Variants in CCT3 observed in about 807,000 individuals in gnomAD.
CCT3 encodes the protein T-complex protein 1 subunit gamma.
In CCT3, 10 loss-of-function variants were observed where a neutral mutation model predicts 65.3. That is an observed-to-expected ratio of 0.15 (90% CI 0.09 to 0.26). The LOEUF is 0.26. Ranked by LOEUF, CCT3 falls within the 10% of genes least tolerant of loss-of-function variation. CCT3 has a pLI of 1.00. For missense variants in CCT3, 626 were observed against 708.7 expected (o/e 0.88, Z 1.33); for synonymous variants, 225 against 242.3 (o/e 0.93, Z 0.66).
rs370446552 is a variant in CCT3 at position 156,311,246 on chromosome 1, A to C, written c.1156-51T>G. 16 of 1,573,528 alleles carry C rather than the reference A, an allele frequency of 1.0e-5. No homozygotes were observed. The African/African-American group carries it at 1.9e-4, about 19-fold the overall frequency. ...AAGCCAAAGCTTGATGACTCATAAAATCGGAGGCACCAAAAGGACTTCCTA... is the reference window on the plus strand; with the variant it reads ...AAGCCAAAGCTTGATGACTCATAAACTCGGAGGCACCAAAAGGACTTCCTA... On this transcript the variant is annotated intron_variant, in intron 11 of 13. Coordinates refer to ENST00000295688, the MANE Select transcript of CCT3 (RefSeq NM_005998.5).
chr1:156,338,030 A>C, intron 1 of CCT3, 124 bp downstream of exon 1: 1 of 1,081,328 alleles, frequency 9.2e-7, no homozygotes, highest in South Asian at 1.4e-5. Flanking sequence ...GGCTTCCAAA[A>C]TGAAGACGAT....
At chr1:156,310,788 GA>G (rs1223610376) in intron 12 of CCT3, 99 bp from the exon 13 acceptor site, 5 of 1,466,856 alleles carry the variant, frequency 3.4e-6, no homozygotes, top group Non-Finnish European at 3.7e-6. Flanking sequence ...AAGGGACAGG[GA>G]AAAATGGCAA....
chr1:156,333,720 G>A, intron 4 of CCT3, 77 bp from the exon 5 acceptor site: 1 of 1,028,120 alleles, frequency 9.7e-7, no homozygotes, highest in Non-Finnish European at 1.5e-6. Context: ...TAACTCTTGG[G>A]CTTCTTGCTT....
At chr1:156,312,438 T>C (rs567777341) in intron 10 of CCT3, among the ~76,000 whole-genome samples, 24 of 152,144 alleles carry the variant, frequency 1.6e-4, no homozygotes, top group African/African-American at 5.3e-4. Flanking sequence ...GGCAAAAGGA[T>C]TGCTTGAGCC....
At chr1:156,329,199 G>C (rs1289828251) in intron 5 of CCT3, among the ~76,000 whole-genome samples, 1 of 152,020 alleles carries the variant, frequency 6.6e-6, no homozygotes, top group Non-Finnish European at 1.5e-5. Flanking sequence ...TACAGCCTAA[G>C]TGTATAGTAG....
intron 5 of CCT3, among the ~76,000 whole-genome samples, chr1:156,325,577 A>ATT (rs549653555): frequency 1.0e-4 from 14 of 137,938 alleles, no homozygotes; most frequent in Admixed American, 3.0e-4. Context: ...TATTCTTTTG[A>ATT]TTTTTTTTTT....
intron 1 of CCT3, among the ~76,000 whole-genome samples, chr1:156,336,854 CA>C (rs1403283594): frequency 2.6e-5 from 4 of 151,884 alleles, no homozygotes; most frequent in Non-Finnish European, 4.4e-5. Context: ...GAGCTGTAAC[CA>C]AAAACCTGCA....
In CCT3 at chr1:156,322,673, T is replaced by C. The variant is rs142912674; in HGVS notation, c.423-1648A>G. Among the ~76,000 whole-genome samples the C allele has an allele frequency of 5.7e-3, 843 of 148,266 alleles. 11 individuals are homozygous for C. Among genetic ancestry groups the C allele is most frequent in the African/African-American group, 0.02 (816 of 40,270 alleles). Reference sequence around the variant, plus strand: ...GGGAGTTTGAGACCAGCCTGACCAATGTGGAGAAAAACTCCGTCTCTACTA... The same window carrying C: ...GGGAGTTTGAGACCAGCCTGACCAACGTGGAGAAAAACTCCGTCTCTACTA... On this transcript the variant is annotated intron_variant, in intron 6 of 13. Coordinates refer to ENST00000295688, the MANE Select transcript of CCT3 (RefSeq NM_005998.5).
At chr1:156,327,505 C>A (rs949201232) in intron 5 of CCT3, among the ~76,000 whole-genome samples, 1 of 152,228 alleles carries the variant, frequency 6.6e-6, no homozygotes, top group Admixed American at 6.5e-5. Flanking sequence ...GTTGGCCGGG[C>A]TGGTCTCCAG....
At chr1:156,328,388 G>A (rs1248729522) in intron 5 of CCT3, among the ~76,000 whole-genome samples, 1 of 152,122 alleles carries the variant, frequency 6.6e-6, no homozygotes, top group Non-Finnish European at 1.5e-5. Context: ...GGGCCATGAT[G>A]ACAATGGCGG....
In CCT3 at chr1:156,317,053, T is replaced by C. The variant is rs570473297; in HGVS notation, c.974+113A>G. ...GGCAGGCAGCTAAGCCAAGGTTATTTCTACCTGTTACTATATCCTTTATTA... is the reference window on the plus strand; with the variant it reads ...GGCAGGCAGCTAAGCCAAGGTTATTCCTACCTGTTACTATATCCTTTATTA... On this transcript the variant is annotated intron_variant, in intron 10 of 13. Coordinates refer to ENST00000295688, the MANE Select transcript of CCT3 (RefSeq NM_005998.5). 1.3e-5 allele frequency: 12 copies of C among 928,874 alleles called. No homozygotes were observed. In the Admixed American group the frequency reaches 2.4e-4, roughly 19 times the overall value. The allele number at this position is 928,874 out of a possible 1,614,324, so 57.5% of individuals were successfully genotyped here.
At chr1:156,335,598 C>G in intron 2 of CCT3, 2 of 483,936 alleles carry the variant, frequency 4.1e-6, no homozygotes, top group Non-Finnish European at 3.7e-6. Flanking sequence ...CAATACACAG[C>G]AACAGAATAA....
intron 13 of CCT3, among the ~76,000 whole-genome samples, 199 bp from the exon 14 acceptor site, chr1:156,309,502 C>T (rs1343768169): frequency 6.6e-6 from 1 of 152,024 alleles, no homozygotes; most frequent in African/African-American, 2.4e-5. Flanking sequence ...TGTCGGTTCA[C>T]TGCAACCTCC....
At chr1:156,310,758 A>C in intron 12 of CCT3, 69 bp from the exon 13 acceptor site, 2 of 1,565,660 alleles carry the variant, frequency 1.3e-6, no homozygotes, top group Non-Finnish European at 1.8e-6. Context: ...AATGAAGTAA[A>C]AAACAATGGA....
chr1:156,311,407 A>G (rs549749485), intron 11 of CCT3, among the ~76,000 whole-genome samples: 15 of 152,204 alleles, frequency 9.9e-5, no homozygotes, highest in Non-Finnish European at 2.1e-4. Context: ...TGGTATCTGC[A>G]AAGGGTTTGG....
At position 156,309,307 on chromosome 1, in the gene CCT3, G is replaced by A. The variant is rs368259925; in HGVS notation, c.1534-4C>T. On this transcript the variant is annotated splice_region_variant and splice_polypyrimidine_tract_variant and intron_variant, in intron 13 of 13. Transcript: ENST00000295688. ...TTCGCAGTAGCAGAACTGCCGTCTA[G>A]GAGAAAAACCACAGATGCAAAGAGG... 8.1e-6 allele frequency: 13 copies of A among 1,604,786 alleles called. No homozygotes were observed. The highest frequency in any genetic ancestry group is 1.0e-5 in the Non-Finnish European group (12 of 1,171,682).
At chr1:156,317,617 C>T (rs1664362392) in intron 8 of CCT3, 70 bp from the exon 9 acceptor site, 1 of 1,408,264 alleles carries the variant, frequency 7.1e-7, no homozygotes, top group Non-Finnish European at 9.7e-7. Flanking sequence ...TCATATTATA[C>T]TCCTTCCACC....
intron 1 of CCT3, among the ~76,000 whole-genome samples, chr1:156,336,687 G>C (rs968395841): frequency 6.6e-6 from 1 of 152,182 alleles, no homozygotes. Context: ...GGCCATGTCA[G>C]TGGAGACAAG....
intron 6 of CCT3, among the ~76,000 whole-genome samples, chr1:156,322,486 A>C: frequency 6.6e-6 from 1 of 150,998 alleles, no homozygotes; most frequent in Non-Finnish European, 1.5e-5. Flanking sequence ...ACAGAGCGAG[A>C]CCCCCCGCCA....
Sources: allele counts gnomAD v4.1 joint callset (sites outside exome capture counted in the v4.1 genomes callset), GRCh38; gene constraint gnomAD v4.1.1; transcripts MANE v1.5; gene names NCBI Gene and HGNC (gene_info 2026-07-23, HGNC 2026-07-21).